GABRG1: variants seen among roughly 807,000 people sequenced by gnomAD.
GABRG1 encodes the protein gamma-aminobutyric acid type A receptor subunit gamma1.
In GABRG1, 49 loss-of-function variants were observed where a neutral mutation model predicts 49.8. That is an observed-to-expected ratio of 0.98 (90% CI 0.78 to 1.25). The LOEUF (loss-of-function observed/expected upper bound fraction) is 1.25, where lower values mean the gene tolerates loss of function less well. Among genes scored for constraint, GABRG1 ranks in the 50% most tolerant of loss-of-function variants. The pLI is 0.00. For missense variants in GABRG1, 552 were observed against 552.3 expected, an observed-to-expected ratio of 1.00 and a Z score of 0.01; for synonymous variants, 232 against 185.1, an observed-to-expected ratio of 1.25 and a Z score of -2.06.
At chr4:46,073,851 G>A (rs1719227339) in intron 3 of GABRG1, among the ~76,000 whole-genome samples, 1 of 152,048 alleles carries the variant, frequency 6.6e-6, no homozygotes, top group Admixed American at 6.6e-5. Context: ...CTATGAATGT[G>A]ATCTCTACCT....
intron 8 of GABRG1, among the ~76,000 whole-genome samples, chr4:46,050,226 G>A (rs1718163478): frequency 6.6e-6 from 1 of 151,894 alleles, no homozygotes; most frequent in East Asian, 1.9e-4. Context: ...CGGAGTCACT[G>A]GCTAATTCTA....
chr4:46,123,247 T>G (rs1196849039), intron 1 of GABRG1, among the ~76,000 whole-genome samples: 2 of 151,840 alleles, frequency 1.3e-5, no homozygotes, highest in Non-Finnish European at 2.9e-5. Flanking sequence ...ACACGGTCAG[T>G]TTTTACTTGG....
chr4:46,052,149 T>A (rs1718249021), intron 7 of GABRG1, among the ~76,000 whole-genome samples: 1 of 151,686 alleles, frequency 6.6e-6, no homozygotes, highest in Admixed American at 6.6e-5. Flanking sequence ...ATATTGGAAA[T>A]TAAATTTACT....
Position 46,123,938 on chromosome 4 carries a change from G to A in GABRG1, c.-25C>T. 1 of 1,548,010 alleles carries A rather than the reference G, an allele frequency of 6.5e-7. No homozygotes were observed. The highest frequency in any genetic ancestry group is 1.1e-5 in the South Asian group (1 of 89,470). The stretch of plus-strand genomic sequence containing the variant: ...TCGGAATCGCTTTTTTACGTGTGCT[G>A]CACTAGCTCAATTCTCCCAGCCAGG... On this transcript the variant is annotated 5_prime_UTR_variant, in exon 1 of 9. Coordinates refer to ENST00000295452, the MANE Select transcript of GABRG1 (RefSeq NM_173536.4).
rs1717575967 is a variant in GABRG1 at position 46,037,489 on chromosome 4, T to C, written c.*3499A>G. On this transcript the variant is annotated 3_prime_UTR_variant, in exon 9 of 9. Coordinates refer to ENST00000295452, the MANE Select transcript of GABRG1 (RefSeq NM_173536.4). ...TACAGCACTGAGAAGCTGAATAAATTTGATGATGTGAAGAAAACTTGGTAG... is the reference window on the plus strand; with the variant it reads ...TACAGCACTGAGAAGCTGAATAAATCTGATGATGTGAAGAAAACTTGGTAG... The C allele has an allele frequency of 6.6e-6, 1 of 151,710 alleles. No homozygotes were observed. 9.4% of individuals were successfully genotyped at this position (151,710 alleles called of 1,614,324 possible).
At chr4:46,107,727 CTTG>C (rs138612712) in intron 1 of GABRG1, among the ~76,000 whole-genome samples, 13,289 of 151,030 alleles carry the variant, frequency 0.088, 1,408 homozygotes, top group African/African-American at 0.26. Flanking sequence ...ATTCTGTTAA[CTTG>C]TTGTTACTCT....
At chr4:46,118,403 A>C (rs1220783429) in intron 1 of GABRG1, among the ~76,000 whole-genome samples, 3 of 150,346 alleles carry the variant, frequency 2.0e-5, no homozygotes, top group Non-Finnish European at 4.5e-5. Flanking sequence ...TATTGCTCCC[A>C]CTGTACCTCC....
intron 1 of GABRG1, among the ~76,000 whole-genome samples, chr4:46,115,601 A>T (rs183606544): frequency 1.8e-4 from 27 of 150,962 alleles, no homozygotes; most frequent in African/African-American, 5.5e-4. Context: ...TTATACATCA[A>T]TGATTTTATT....
At chr4:46,111,082 T>TGC (rs1720696984) in intron 1 of GABRG1, among the ~76,000 whole-genome samples, 7 of 151,082 alleles carry the variant, frequency 4.6e-5, no homozygotes, top group Admixed American at 4.0e-4. Context: ...AGTGTGTGAT[T>TGC]CTATACCAGG....
intron 2 of GABRG1, among the ~76,000 whole-genome samples, chr4:46,086,900 G>A (rs982985609): frequency 1.3e-5 from 2 of 151,408 alleles, no homozygotes; most frequent in African/African-American, 4.8e-5. Flanking sequence ...TTTTTGTTTT[G>A]TTTTGTTTTT....
At position 46,057,211 on chromosome 4, in the gene GABRG1, C is replaced by T. The variant is rs920118979; in HGVS notation, c.916+1006G>A. Among the ~76,000 whole-genome samples the T allele has an allele frequency of 2.5e-3, 384 of 151,932 alleles. 6 individuals are homozygous for T. Among genetic ancestry groups the T allele is most frequent in the Non-Finnish European group, 4.6e-4 (31 of 67,970 alleles). On this transcript the variant is annotated intron_variant, in intron 7 of 8. Transcript: ENST00000295452. ...TTTGTCCACTAGCTATGTCAATATC[C>T]CTGTTTAGATGGCCAAGAGAACTTC...
rs528652940 is a variant in GABRG1 at position 46,065,969 on chromosome 4, G to A, written c.322-385C>T. ...GATCTCCTGACCTCGTGATCTGCCC[G>A]GCTCATCCTCCCAAAGTGCTGGGAT... On this transcript the variant is annotated intron_variant, in intron 3 of 8. Coordinates refer to ENST00000295452, the MANE Select transcript of GABRG1 (RefSeq NM_173536.4). 9.9e-5 allele frequency among the ~76,000 whole-genome samples: 15 copies of A among 152,154 alleles called. No individual in the cohort carries two copies. The South Asian group carries it at 3.1e-3, about 32-fold the overall frequency.
chr4:46,097,671 A>T (rs966858460), intron 1 of GABRG1, among the ~76,000 whole-genome samples: 1 of 151,796 alleles, frequency 6.6e-6, no homozygotes, highest in African/African-American at 2.4e-5. Flanking sequence ...TGTATAACAT[A>T]AAATCTGTGC....
chr4:46,085,542 G>C (rs1488282320), intron 2 of GABRG1, among the ~76,000 whole-genome samples: 1 of 151,502 alleles, frequency 6.6e-6, no homozygotes, highest in Non-Finnish European at 1.5e-5. Context: ...TCACCATTTT[G>C]TAAACTTGAG....
chr4:46,045,572 T>TA (rs1028949949), intron 8 of GABRG1, among the ~76,000 whole-genome samples: 1 of 150,010 alleles, frequency 6.7e-6, no homozygotes, highest in African/African-American at 2.5e-5. Context: ...TTTTTCACTG[T>TA]AAAAAAACAA....
chr4:46,067,802 C>T lies in GABRG1; in HGVS notation c.322-2218G>A, dbSNP rs114867047. Among the ~76,000 whole-genome samples the T allele has an allele frequency of 3.9e-3, 597 of 152,190 alleles. 7 individuals are homozygous for T. Among genetic ancestry groups the T allele is most frequent in the African/African-American group, 0.014 (568 of 41,526 alleles). Reference sequence around the variant, plus strand: ...CATAATACATAGTAATTCGTATTTACGCTGTAGATGTTTAATCATCTTATT... The same window carrying T: ...CATAATACATAGTAATTCGTATTTATGCTGTAGATGTTTAATCATCTTATT... On this transcript the variant is annotated intron_variant, in intron 3 of 8. Transcript: ENST00000295452.
Position 46,041,046 on chromosome 4 carries a change from A to G in GABRG1, c.1340T>C (p.Phe447Ser), listed in dbSNP as rs745600808. Residue 447 changes from phenylalanine to serine, a missense_variant, in exon 9 of 9, where the codon TTC becomes TCC. Physicochemically the swap from Phe to Ser is radical, Grantham distance 155 (BLOSUM62 -2). Coordinates refer to ENST00000295452, the MANE Select transcript of GABRG1 (RefSeq NM_173536.4). ...GTTGAACAGGGCAAAAGCGGTTGGGAAAAATATTCTAGAATAAGAGTCAAT... is the reference window on the plus strand; with the variant it reads ...GTTGAACAGGGCAAAAGCGGTTGGGGAAAATATTCTAGAATAAGAGTCAAT... The part of the protein sequence containing the change: ...AKIDSYSRIF[F>S]PTAFALFNLV... The G allele has an allele frequency of 6.2e-7, 1 of 1,612,930 alleles. No individual in the cohort carries two copies. The highest frequency in any genetic ancestry group is 8.5e-7 in the Non-Finnish European group (1 of 1,179,250).
intron 1 of GABRG1, among the ~76,000 whole-genome samples, chr4:46,105,834 T>TAGATA (rs71193843): frequency 1.5e-4 from 20 of 131,176 alleles, no homozygotes; most frequent in African/African-American, 6.3e-4. Context: ...GATAGATAGA[T>TAGATA]GATAGATATT....
intron 8 of GABRG1, 40 bp from the exon 9 acceptor site, chr4:46,041,294 T>C (rs776881411): frequency 1.9e-6 from 3 of 1,596,436 alleles, no homozygotes; most frequent in Non-Finnish European, 1.7e-6. Flanking sequence ...ATCAAAAAAG[T>C]AGCATAAGGA....
Sources: allele counts gnomAD v4.1 joint callset (sites outside exome capture counted in the v4.1 genomes callset), GRCh38; gene constraint gnomAD v4.1.1; transcripts MANE v1.5; gene names NCBI Gene and HGNC (gene_info 2026-07-23, HGNC 2026-07-21).